Variants in ECM2 observed in about 807,000 individuals in gnomAD.
ECM2 encodes extracellular matrix protein 2, female organ and adipocyte specific.
A neutral mutation model predicts 67.5 loss-of-function variants in ECM2; 57 were observed. The observed-to-expected ratio is 0.84, with a 90% CI of 0.68 to 1.05. The LOEUF (loss-of-function observed/expected upper bound fraction) is 1.05. Ranked by LOEUF, ECM2 falls within the 50% of genes least tolerant of loss-of-function variation. ECM2 has a pLI of 0.00. For synonymous variants in ECM2, 258 were observed against 294.5 expected (o/e 0.88, Z 1.27); for missense variants, 741 against 822.8 (o/e 0.90, Z 1.22).
rs780015343 is a variant in ECM2 at position 92,514,812 on chromosome 9, G to A, written c.873C>T (p.Asp291=). The A allele has an allele frequency of 7.4e-6, 12 of 1,612,976 alleles. No individual in the cohort carries two copies. The South Asian group carries it at 1.3e-4, about 18-fold the overall frequency. The change falls in exon 4 of 10, where the codon GAC becomes GAT. Residue 291 remains aspartate (D), a synonymous_variant. Coordinates refer to ENST00000344604, the MANE Select transcript of ECM2 (RefSeq NM_001393.4). ...EGEEDEEDEE[D]PVRGDMFRMP... is the part of the protein sequence containing the mutation. ...TTCGGAACATATCTCCTCTTACCGGGTCCTCCTCGTCCTCCTCATCCTCCT... is the reference window on the plus strand; with the variant it reads ...TTCGGAACATATCTCCTCTTACCGGATCCTCCTCGTCCTCCTCATCCTCCT...
chr9:92,557,230 C>A, the ECM2 span, among the ~76,000 whole-genome samples: 1 of 152,282 alleles, frequency 6.6e-6, no homozygotes, highest in South Asian at 2.1e-4. Context: ...TTACCTGGTG[C>A]TTCTGTCTCA....
upstream of ECM2, among the ~76,000 whole-genome samples, chr9:92,539,717 A>G (rs1035640401): frequency 4.6e-5 from 7 of 152,254 alleles, no homozygotes; most frequent in African/African-American, 1.7e-4. Flanking sequence ...CCATAGTTCA[A>G]ATGCCTTTTA....
the ECM2 span, among the ~76,000 whole-genome samples, chr9:92,552,138 T>A: frequency 7.1e-6 from 1 of 141,502 alleles, no homozygotes; most frequent in African/African-American, 2.7e-5. Context: ...CTATCATATA[T>A]ATGTGATATG....
chr9:92,503,594 A>G (rs775227892), intron 7 of ECM2, among the ~76,000 whole-genome samples: 1 of 152,250 alleles, frequency 6.6e-6, no homozygotes, highest in Non-Finnish European at 1.5e-5. Context: ...AGTTGGCATT[A>G]GAGGGAGTTT....
intron 1 of ECM2, chr9:92,527,882 T>C (rs111658137): frequency 2.6e-5 from 4 of 154,248 alleles, no homozygotes; most frequent in Non-Finnish European, 4.4e-5. Flanking sequence ...GCCAAGAAAA[T>C]GAGCATGGTT....
intron 1 of ECM2, among the ~76,000 whole-genome samples, chr9:92,534,202 C>A (rs1379646678): frequency 6.6e-6 from 1 of 152,140 alleles, no homozygotes. Flanking sequence ...CTTTTTATTT[C>A]CTAGTGTAGC....
At chr9:92,542,804 G>C in the ECM2 span, among the ~76,000 whole-genome samples, 2 of 152,146 alleles carry the variant, frequency 1.3e-5, no homozygotes, top group African/African-American at 4.8e-5. Context: ...GAGCCACTGC[G>C]CCCGGCCCCC....
In ECM2 at chr9:92,511,759, A is replaced by G. The variant is rs531942859; in HGVS notation, c.1170+252T>C. Among the ~76,000 whole-genome samples the G allele has an allele frequency of 1.2e-3, 185 of 152,306 alleles. No homozygotes were observed. In the Middle Eastern group the frequency reaches 0.041, roughly 34 times the overall value. On this transcript the variant is annotated intron_variant, in intron 5 of 9. Transcript: ENST00000344604. ...CAGTTACTTGGGAAGAAACTACTCC[A>G]TAAATTAAAATCATTACTTTTGTCA...
At position 92,502,655 on chromosome 9, in the gene ECM2, ATAAT is replaced by A; in HGVS notation, c.1465-7_1465-4del. 6.4e-7 allele frequency: 1 copy of A among 1,557,806 alleles called. No individual in the cohort carries two copies. The highest frequency in any genetic ancestry group is 8.8e-7 in the Non-Finnish European group (1 of 1,139,104). On this transcript the variant is annotated splice_region_variant and splice_polypyrimidine_tract_variant and intron_variant, in intron 7 of 9. Transcript: ENST00000344604. Reference sequence around the variant, plus strand: ...TGGTTATTTTCTAGGTATAATTCCTATAATTAAGAGAGAAGACTATTATTTTTCT... The same window carrying A: ...TGGTTATTTTCTAGGTATAATTCCTATAAGAGAGAAGACTATTATTTTTCT...
intron 1 of ECM2, among the ~76,000 whole-genome samples, chr9:92,535,165 A>G (rs952627040): frequency 1.4e-5 from 2 of 145,190 alleles, no homozygotes; most frequent in Non-Finnish European, 3.1e-5. Context: ...AAATAAACTT[A>G]CAGAGCTATT....
At chr9:92,501,797 C>T (rs1846695337) in intron 8 of ECM2, among the ~76,000 whole-genome samples, 1 of 152,196 alleles carries the variant, frequency 6.6e-6, no homozygotes, top group African/African-American at 2.4e-5. Context: ...CACATAGTTC[C>T]AGGACACGCA....
At chr9:92,501,677 T>C (rs1334311918) in intron 8 of ECM2, among the ~76,000 whole-genome samples, 1 of 152,212 alleles carries the variant, frequency 6.6e-6, no homozygotes, top group African/African-American at 2.4e-5. Flanking sequence ...TCTTTTCACC[T>C]GATGAAGACT....
At chr9:92,545,156 G>A in the ECM2 span, among the ~76,000 whole-genome samples, 1 of 152,208 alleles carries the variant, frequency 6.6e-6, no homozygotes, top group South Asian at 2.1e-4. Flanking sequence ...TGCTTGAGGA[G>A]TCCTTCAGCC....
the ECM2 span, among the ~76,000 whole-genome samples, chr9:92,551,916 G>GGTGTGTGTGT: frequency 1.2e-5 from 1 of 86,764 alleles, no homozygotes; most frequent in African/African-American, 4.1e-5. Context: ...TTATATATAT[G>GGTGTGTGTGT]GTGTGTGTGT....
At chr9:92,522,180 A>T (rs2131242802) in intron 2 of ECM2, among the ~76,000 whole-genome samples, 1 of 151,938 alleles carries the variant, frequency 6.6e-6, no homozygotes, top group East Asian at 1.9e-4. Context: ...TCCACCTCCC[A>T]GGTTCAAGTG....
chr9:92,533,949 A>C (rs1049468864), intron 1 of ECM2, among the ~76,000 whole-genome samples: 20 of 151,634 alleles, frequency 1.3e-4, no homozygotes, highest in African/African-American at 4.8e-4. Flanking sequence ...CATATCTTTG[A>C]TATTTGGAAG....
chr9:92,515,169 A>T lies in ECM2; in HGVS notation c.516T>A (p.Asn172Lys). Residue 172 changes from asparagine (N) to lysine (K), a missense_variant, in exon 4 of 10, where the codon AAT (asparagine) becomes AAA (lysine). Physicochemically the swap from Asn to Lys is moderately conservative, Grantham distance 94 (BLOSUM62 0). Coordinates refer to ENST00000344604, the MANE Select transcript of ECM2 (RefSeq NM_001393.4). ...SYSLLSGIALNDRNEFSGDSS... is the reference protein window; with the variant it reads ...SYSLLSGIALKDRNEFSGDSS... ...AATCACCAGAAAATTCATTTCTATC[A>T]TTTAATGCTATACCACTGAGTAGAG... 6.2e-7 allele frequency: 1 copy of T among 1,607,248 alleles called. No individual in the cohort carries two copies. Among genetic ancestry groups the T allele is most frequent in the Non-Finnish European group, 8.5e-7 (1 of 1,177,568 alleles).
At chr9:92,525,136 A>T (rs1259558648) in intron 1 of ECM2, among the ~76,000 whole-genome samples, 3 of 152,040 alleles carry the variant, frequency 2.0e-5, no homozygotes, top group South Asian at 2.1e-4. Flanking sequence ...TAAGGAACAT[A>T]GCAAGACCTT....
At chr9:92,545,593 G>A in the ECM2 span, among the ~76,000 whole-genome samples, 4 of 152,290 alleles carry the variant, frequency 2.6e-5, no homozygotes, top group Admixed American at 6.5e-5. Context: ...GCTCCACCGC[G>A]TCCAGTCCCA....
Sources: allele counts gnomAD v4.1 joint callset (sites outside exome capture counted in the v4.1 genomes callset), GRCh38; gene constraint gnomAD v4.1.1; transcripts MANE v1.5; gene names NCBI Gene and HGNC (gene_info 2026-07-23, HGNC 2026-07-21).